Variants in GALNT4 observed in about 807,000 individuals in gnomAD.
The protein encoded by GALNT4 is UDP-GalNAc:polypeptide N-acetylgalactosaminyltransferase 4.
In GALNT4, 23 loss-of-function variants were observed where a neutral mutation model predicts 45.1. The ratio of observed to expected loss-of-function variants is 0.51; its 90% CI spans 0.37 to 0.72. The LOEUF is 0.72. GALNT4 is among the 30% of genes least tolerant of loss of function. GALNT4 has a pLI of 0.00. For synonymous variants in GALNT4, 264 were observed against 257.6 expected, an observed-to-expected ratio of 1.02 and a Z score of -0.24; for missense variants, 757 against 709.0, an observed-to-expected ratio of 1.07 and a Z score of -0.77.
rs1870813481 is a variant in GALNT4, at chr12:89,521,093, CACTT to C, written c.*1716_*1719del. The C allele has an allele frequency of 6.8e-6, 1 of 147,002 alleles. No homozygotes were observed. The highest frequency in any genetic ancestry group is 1.5e-5 in the Non-Finnish European group (1 of 67,352). 9.1% of individuals were successfully genotyped at this position (147,002 alleles called of 1,614,324 possible). On this transcript the variant is annotated 3_prime_UTR_variant, in exon 1 of 1. Transcript: ENST00000529983. ...TAAACCACTTCAGGTGAGTTCAGCT[CACTT>C]ATTTTATTATTATTTTTTTTTTTTG...
rs918491608 is a variant in GALNT4 at position 89,520,584 on chromosome 12, G to A, written c.*2229C>T. On this transcript the variant is annotated 3_prime_UTR_variant, in exon 1 of 1. Transcript: ENST00000529983. Reference sequence around the variant, plus strand: ...TGGACAATTTTTTGATAAACTTTAAGGCTGCTAAATAATTTACAGAAACTG... The same window carrying A: ...TGGACAATTTTTTGATAAACTTTAAAGCTGCTAAATAATTTACAGAAACTG... 6 of 152,238 alleles carry A rather than the reference G, an allele frequency of 3.9e-5. No individual in the cohort carries two copies. The South Asian group carries it at 1.2e-3, about 32-fold the overall frequency. The allele number at this position is 152,238 out of a possible 1,614,324, so 9.4% of individuals were successfully genotyped here.
rs1420294821 is a variant in GALNT4 at position 89,523,194 on chromosome 12, C to A, written c.1356G>T (p.Gly452=). 6.2e-7 allele frequency: 1 copy of A among 1,613,838 alleles called. No homozygotes were observed. The highest frequency in any genetic ancestry group is 2.2e-5 in the East Asian group (1 of 44,880). Residue 452 remains glycine, a synonymous_variant, in exon 1 of 1, where the codon GGG becomes GGT. Transcript: ENST00000529983. ...PGWHGAIRSR[G]ISSECLDYNS... is the part of the protein sequence containing the mutation. ...TATAATCTAAACATTCAGACGAGAT[C>A]CCTCTACTGCGAATAGCCCCATGCC...
chr12:89,524,570 C>T lies in GALNT4; in HGVS notation c.-21G>A, dbSNP rs1871247037. The stretch of plus-strand genomic sequence containing the variant: ...GCCATCCGGATTCTCAGGGCTGAGG[C>T]GCAGACGCGGCCACCAAGCCACCAC... On this transcript the variant is annotated 5_prime_UTR_variant, in exon 1 of 1. Transcript: ENST00000529983. The T allele has an allele frequency of 5.6e-6, 9 of 1,609,286 alleles. No homozygotes were observed. Among genetic ancestry groups the T allele is most frequent in the Non-Finnish European group, 6.8e-6 (8 of 1,179,340 alleles).
At position 89,524,287 on chromosome 12, in the gene GALNT4, T is replaced by A; in HGVS notation, c.263A>T (p.Asp88Val). The A allele has an allele frequency of 6.2e-7, 1 of 1,614,032 alleles. No homozygotes were observed. The highest frequency in any genetic ancestry group is 1.3e-5 in the African/African-American group (1 of 75,044). The change falls in exon 1 of 1, where the codon GAT (aspartate) becomes GTT (valine). Residue 88 changes from aspartate to valine, a missense_variant. Asp to Val is a radical substitution (Grantham distance 152, BLOSUM62 -3). Transcript: ENST00000529983. ...GAGTTCTTCTTGCTGCTTCAGTTCA[T>A]CCTCGTTGAGCTGGAGTTTGCTGGC... ...GKASKLQLNEDELKQQEELIE... is the reference protein window; with the variant it reads ...GKASKLQLNEVELKQQEELIE...
In GALNT4 at chr12:89,524,361, A is replaced by G; in HGVS notation, c.189T>C (p.Leu63=). The change falls in exon 1 of 1, where the codon CTT becomes CTC. Residue 63 remains leucine (L), a synonymous_variant. Transcript: ENST00000529983. ...QKNTEDLSRP[L]YKKPPADSRA... is the part of the protein sequence containing the mutation. ...GGGAATCTGCAGGGGGCTTCTTATA[A>G]AGCGGTCGAGACAAATCCTCCGTAT... 1 of 1,614,020 alleles carries G rather than the reference A, an allele frequency of 6.2e-7. No homozygotes were observed. Among genetic ancestry groups the G allele is most frequent in the Non-Finnish European group, 8.5e-7 (1 of 1,179,892 alleles).
rs1304561254 is a variant in GALNT4 at position 89,520,468 on chromosome 12, G to A, written c.*2345C>T. 1 of 151,914 alleles carries A rather than the reference G, an allele frequency of 6.6e-6. No homozygotes were observed. The highest frequency in any genetic ancestry group is 2.4e-5 in the African/African-American group (1 of 41,386). The allele number at this position is 151,914 out of a possible 1,614,324, so 9.4% of individuals were successfully genotyped here. Reference sequence around the variant, plus strand: ...GCAGCCTGGGCAAGAGAAGTGGGTGGGTTTAGGAGAATCCCTTTCGAAAAA... The same window carrying A: ...GCAGCCTGGGCAAGAGAAGTGGGTGAGTTTAGGAGAATCCCTTTCGAAAAA... On this transcript the variant is annotated 3_prime_UTR_variant, in exon 1 of 1. Transcript: ENST00000529983.
Position 89,524,635 on chromosome 12 carries a change from T to C in GALNT4, c.-86A>G. On this transcript the variant is annotated 5_prime_UTR_variant, in exon 1 of 1. Transcript: ENST00000529983. ...GCGGAACCCACAGCTCGAGCTCAGGTACTTCCCAGCAGGTTCTTCCTTTCA... is the reference window on the plus strand; with the variant it reads ...GCGGAACCCACAGCTCGAGCTCAGGCACTTCCCAGCAGGTTCTTCCTTTCA... 7.1e-7 allele frequency: 1 copy of C among 1,406,614 alleles called. No homozygotes were observed. The highest frequency in any genetic ancestry group is 9.9e-7 in the Non-Finnish European group (1 of 1,012,490). The allele number at this position is 1,406,614 out of a possible 1,614,324, so 87.1% of individuals were successfully genotyped here.
In GALNT4 at chr12:89,519,880, C is replaced by T. The variant is rs543772067; in HGVS notation, c.*2933G>A. On this transcript the variant is annotated 3_prime_UTR_variant, in exon 1 of 1. Transcript: ENST00000529983. ...GTTGGACACTAAATGACATAGTGAACATTTAAAGTTGAAACTCTTTGTCTA... is the reference window on the plus strand; with the variant it reads ...GTTGGACACTAAATGACATAGTGAATATTTAAAGTTGAAACTCTTTGTCTA... 5.3e-4 allele frequency: 81 copies of T among 152,224 alleles called. No homozygotes were observed. Among genetic ancestry groups the T allele is most frequent in the African/African-American group, 1.9e-3 (78 of 41,500 alleles). The allele number at this position is 152,224 out of a possible 1,614,324, so 9.4% of individuals were successfully genotyped here. A position where few individuals can be genotyped will look rare whatever the true frequency, so the allele number is the denominator to read the frequency against.
Position 89,522,872 on chromosome 12 carries a change from C to T in GALNT4, c.1678G>A (p.Val560Ile). The T allele has an allele frequency of 1.2e-6, 2 of 1,610,044 alleles. No homozygotes were observed. Among genetic ancestry groups the T allele is most frequent in the Non-Finnish European group, 1.7e-6 (2 of 1,178,676 alleles). Residue 560 changes from valine to isoleucine, a missense_variant, in exon 1 of 1, where the codon GTA becomes ATA. Transcript: ENST00000529983. ...AYRTPEGRPD[V>I]QMRTCDALDK... ...AGAGCATCACAAGTTCTCATTTGTA[C>T]ATCAGGTCGGCCCTCCGGTGTCCGA... is the stretch of plus-strand genomic sequence containing the variant.
chr12:89,520,195 G>C lies in GALNT4; in HGVS notation c.*2618C>G, dbSNP rs1444108564. 1 of 152,112 alleles carries C rather than the reference G, an allele frequency of 6.6e-6. No individual in the cohort carries two copies. The highest frequency in any genetic ancestry group is 1.5e-5 in the Non-Finnish European group (1 of 68,006). 9.4% of individuals were successfully genotyped at this position (152,112 alleles called of 1,614,324 possible). A position where few individuals can be genotyped will look rare whatever the true frequency, so the allele number is the denominator to read the frequency against. Reference sequence around the variant, plus strand: ...ACCACTGTAAAATCTCTTCCTAAAAGATTGCTGGGTCACACCTAGCAATTT... The same window carrying C: ...ACCACTGTAAAATCTCTTCCTAAAACATTGCTGGGTCACACCTAGCAATTT... On this transcript the variant is annotated 3_prime_UTR_variant, in exon 1 of 1. Coordinates refer to ENST00000529983, the MANE Select transcript of GALNT4 (RefSeq NM_003774.5).
rs1347088162 is a variant in GALNT4, at chr12:89,524,264, GTTC to G, written c.283_285del (p.Glu95del). The G allele has an allele frequency of 1.2e-6, 2 of 1,614,012 alleles. No individual in the cohort carries two copies. Among genetic ancestry groups the G allele is most frequent in the South Asian group, 1.1e-5 (1 of 91,086 alleles). On this transcript the variant is annotated inframe_deletion, in exon 1 of 1. Transcript: ENST00000529983. The stretch of plus-strand genomic sequence containing the variant: ...ATATTGATGGCGTATCTCTCAATGA[GTTC>G]TTCTTGCTGCTTCAGTTCATCCTCG...
chr12:89,524,103 C>G lies in GALNT4; in HGVS notation c.447G>C (p.Ser149=). The part of the protein sequence containing the change: ...VIIAFYNEAW[S]TLLRTIHSVL... ...CACTGTGAATGGTACGGAGCAAAGT[C>G]GACCAGGCTTCGTTATAGAAAGCAA... The change falls in exon 1 of 1, where the codon TCG becomes TCC. Residue 149 remains serine, a synonymous_variant. Coordinates refer to ENST00000529983, the MANE Select transcript of GALNT4 (RefSeq NM_003774.5). 6.2e-7 allele frequency: 1 copy of G among 1,613,906 alleles called. No homozygotes were observed. Among genetic ancestry groups the G allele is most frequent in the South Asian group, 1.1e-5 (1 of 91,018 alleles).
rs1205306671 is a variant in GALNT4 at position 89,520,322 on chromosome 12, G to A, written c.*2491C>T. On this transcript the variant is annotated 3_prime_UTR_variant, in exon 1 of 1. Transcript: ENST00000529983. ...TACTAAAATAAAAATAATGTAATAAGTACTTTCAAAATATAACAATTTTCG... is the reference window on the plus strand; with the variant it reads ...TACTAAAATAAAAATAATGTAATAAATACTTTCAAAATATAACAATTTTCG... The A allele has an allele frequency of 6.6e-6, 1 of 152,030 alleles. No individual in the cohort carries two copies. Among genetic ancestry groups the A allele is most frequent in the Non-Finnish European group, 1.5e-5 (1 of 68,008 alleles). The allele number at this position is 152,030 out of a possible 1,614,324, so 9.4% of individuals were successfully genotyped here. A position where few individuals can be genotyped will look rare whatever the true frequency, so the allele number is the denominator to read the frequency against.
rs1870771435 is a variant in GALNT4 at position 89,520,635 on chromosome 12, A to C, written c.*2178T>G. 6.6e-6 allele frequency: 1 copy of C among 152,230 alleles called. No individual in the cohort carries two copies. The highest frequency in any genetic ancestry group is 1.5e-5 in the Non-Finnish European group (1 of 68,048). 9.4% of individuals were successfully genotyped at this position (152,230 alleles called of 1,614,324 possible). ...TGAATGCATTTTCATTTTACGAGGC[A>C]AAAGAGAAAATATTCAAGATTGCAT... On this transcript the variant is annotated 3_prime_UTR_variant, in exon 1 of 1. Transcript: ENST00000529983.
rs182124225 is a variant in GALNT4, at chr12:89,522,880, C to T, written c.1670G>A (p.Arg557Gln). The T allele has an allele frequency of 1.9e-4, 302 of 1,611,854 alleles. 1 individual carries two copies. Among genetic ancestry groups the T allele is most frequent in the Admixed American group, 8.6e-4 (51 of 59,526 alleles). The change falls in exon 1 of 1, where the codon CGA becomes CAA. Residue 557 changes from arginine to glutamine, a missense_variant. By Grantham distance (43) the Arg-to-Gln change is conservative. Coordinates refer to ENST00000529983, the MANE Select transcript of GALNT4 (RefSeq NM_003774.5). ...CLSAYRTPEG[R>Q]PDVQMRTCDA... is the part of the protein sequence containing the mutation. ...ACAAGTTCTCATTTGTACATCAGGTCGGCCCTCCGGTGTCCGATAAGCACT... is the reference window on the plus strand; with the variant it reads ...ACAAGTTCTCATTTGTACATCAGGTTGGCCCTCCGGTGTCCGATAAGCACT...
At position 89,523,072 on chromosome 12, in the gene GALNT4, T is replaced by G. The variant is rs762227102; in HGVS notation, c.1478A>C (p.Glu493Ala). Reference protein sequence around the residue: ...NQFFEYTSNKEIRFNSVTELC... With the variant: ...NQFFEYTSNKAIRFNSVTELC... Reference sequence around the variant, plus strand: ...CTCTGTCACAGAATTAAACCTTATTTCTTTGTTTGAAGTATATTCAAAGAA... The same window carrying G: ...CTCTGTCACAGAATTAAACCTTATTGCTTTGTTTGAAGTATATTCAAAGAA... The change falls in exon 1 of 1, where the codon GAA (glutamate) becomes GCA (alanine). Residue 493 changes from glutamate to alanine, a missense_variant. Transcript: ENST00000529983. The G allele has an allele frequency of 3.1e-6, 5 of 1,613,740 alleles. No individual in the cohort carries two copies. Among genetic ancestry groups the G allele is most frequent in the African/African-American group, 2.7e-5 (2 of 74,924 alleles).
rs768237762 is a variant in GALNT4, at chr12:89,524,364, C to T, written c.186G>A (p.Pro62=). 1.9e-6 allele frequency: 3 copies of T among 1,614,006 alleles called. No homozygotes were observed. The highest frequency in any genetic ancestry group is 8.5e-7 in the Non-Finnish European group (1 of 1,179,894). ...LQKNTEDLSR[P]LYKKPPADSR... is the part of the protein sequence containing the mutation. ...AATCTGCAGGGGGCTTCTTATAAAG[C>T]GGTCGAGACAAATCCTCCGTATTTT... The change falls in exon 1 of 1, where the codon CCG becomes CCA. Residue 62 remains proline, a synonymous_variant. Transcript: ENST00000529983.
Position 89,519,943 on chromosome 12 carries a change from T to C in GALNT4, c.*2870A>G, listed in dbSNP as rs1244802408. 1.3e-5 allele frequency: 2 copies of C among 152,202 alleles called. No homozygotes were observed. Among genetic ancestry groups the C allele is most frequent in the Non-Finnish European group, 2.9e-5 (2 of 68,016 alleles). 9.4% of individuals were successfully genotyped at this position (152,202 alleles called of 1,614,324 possible). A position where few individuals can be genotyped will look rare whatever the true frequency, so the allele number is the denominator to read the frequency against. ...CTAAAACTGTTTTTAAGCATATACATTAACTTAAAAGGTCAACTCTTAATT... is the reference window on the plus strand; with the variant it reads ...CTAAAACTGTTTTTAAGCATATACACTAACTTAAAAGGTCAACTCTTAATT... On this transcript the variant is annotated 3_prime_UTR_variant, in exon 1 of 1. Transcript: ENST00000529983.
At position 89,522,084 on chromosome 12, in the gene GALNT4, G is replaced by A. The variant is rs190539521; in HGVS notation, c.*729C>T. The A allele has an allele frequency of 6.5e-4, 261 of 398,978 alleles. 1 individual carries two copies. The highest frequency in any genetic ancestry group is 4.8e-3 in the African/African-American group (235 of 48,740). The allele number at this position is 398,978 out of a possible 1,614,324, so 24.7% of individuals were successfully genotyped here. A position where few individuals can be genotyped will look rare whatever the true frequency, so the allele number is the denominator to read the frequency against. Reference sequence around the variant, plus strand: ...CACAAACACGTTCACAGAGAAGACAGCTTACAAAATCAGAGGAATCTGAGG... The same window carrying A: ...CACAAACACGTTCACAGAGAAGACAACTTACAAAATCAGAGGAATCTGAGG... On this transcript the variant is annotated 3_prime_UTR_variant, in exon 1 of 1. Transcript: ENST00000529983.
Sources: allele counts gnomAD v4.1 joint callset, GRCh38; gene constraint gnomAD v4.1.1; transcripts MANE v1.5; gene names NCBI Gene and HGNC (gene_info 2026-07-23, HGNC 2026-07-21).